The following ZCRB1 variants were observed in gnomAD, a reference collection of about 807,000 sequenced individuals.
ZCRB1 encodes the protein zinc finger CCHC-type and RNA binding motif containing 1.
A neutral mutation model predicts 29.9 loss-of-function variants in ZCRB1; 21 were observed. The observed-to-expected ratio is 0.70, with a 90% CI of 0.50 to 1.01. ZCRB1 has a LOEUF of 1.01. Ranked by LOEUF, ZCRB1 falls within the 50% of genes least tolerant of loss-of-function variation. ZCRB1 has a pLI of 0.00. For synonymous variants in ZCRB1, 77 were observed against 80.0 expected (o/e 0.96, Z 0.20); for missense variants, 204 against 253.3 (o/e 0.81, Z 1.32).
intron 2 of ZCRB1, among the ~76,000 whole-genome samples, chr12:42,323,143 T>C (rs911347302): frequency 1.3e-5 from 2 of 152,228 alleles, no homozygotes; most frequent in African/African-American, 2.4e-5. Context: ...TGTGTTAGTA[T>C]ATGCAACCAA....
chr12:42,323,315 T>C (rs1196116236), intron 2 of ZCRB1, among the ~76,000 whole-genome samples: 1 of 152,190 alleles, frequency 6.6e-6, no homozygotes, highest in African/African-American at 2.4e-5. Context: ...GCCAGAGTCC[T>C]TACCATGATG....
At chr12:42,319,084 T>C (rs2068608753) in intron 3 of ZCRB1, among the ~76,000 whole-genome samples, 1 of 152,180 alleles carries the variant, frequency 6.6e-6, no homozygotes, top group Admixed American at 6.5e-5. Context: ...TTGCTTTATG[T>C]TTTGGAATTT....
rs1256864081 is a variant in ZCRB1, at chr12:42,315,599, T to A, written c.334-1613A>T. On this transcript the variant is annotated intron_variant, in intron 5 of 7. Coordinates refer to ENST00000266529, the MANE Select transcript of ZCRB1 (RefSeq NM_033114.4). ...CAGGCTAGGTCAATATAAAAAAGTT[T>A]TTTTTGGAGGGAGGGAAATTAAATA... 2.0e-5 allele frequency among the ~76,000 whole-genome samples: 3 copies of A among 152,248 alleles called. No individual in the cohort carries two copies. The East Asian group carries it at 5.8e-4, about 29-fold the overall frequency.
intron 5 of ZCRB1, among the ~76,000 whole-genome samples, chr12:42,315,595 A>T (rs1019601574): frequency 6.6e-6 from 1 of 152,118 alleles, no homozygotes; most frequent in African/African-American, 2.4e-5. Flanking sequence ...AATATAAAAA[A>T]GTTTTTTTTG....
intron 3 of ZCRB1, among the ~76,000 whole-genome samples, chr12:42,320,766 C>T (rs1592103657): frequency 6.6e-6 from 1 of 152,148 alleles, no homozygotes; most frequent in Non-Finnish European, 1.5e-5. Context: ...GCTTTTGTTC[C>T]CCTCCAATCT....
chr12:42,319,433 C>A (rs1384272977), intron 3 of ZCRB1, among the ~76,000 whole-genome samples: 1 of 152,110 alleles, frequency 6.6e-6, no homozygotes, highest in Non-Finnish European at 1.5e-5. Context: ...ATTTGGCTCC[C>A]ATCTCCTTCA....
rs1403664668 is a variant in ZCRB1, at chr12:42,312,571, T to G, written c.*496A>C. 6.6e-6 allele frequency: 1 copy of G among 152,236 alleles called. No individual in the cohort carries two copies. Among genetic ancestry groups the G allele is most frequent in the African/African-American group, 2.4e-5 (1 of 41,466 alleles). 9.4% of individuals were successfully genotyped at this position (152,236 alleles called of 1,614,324 possible). ...CTTTATTTAGCTACATGTGTGCACA[T>G]GTAAGTAGTTTCTTCTAGGGAATGG... On this transcript the variant is annotated 3_prime_UTR_variant, in exon 8 of 8. Coordinates refer to ENST00000266529, the MANE Select transcript of ZCRB1 (RefSeq NM_033114.4).
chr12:42,325,990 C>A lies in ZCRB1; in HGVS notation c.-69G>T, dbSNP rs1250427050. The A allele has an allele frequency of 6.6e-6, 1 of 152,324 alleles. No homozygotes were observed. The highest frequency in any genetic ancestry group is 2.1e-4 in the South Asian group (1 of 4,834). The allele number at this position is 152,324 out of a possible 1,614,324, so 9.4% of individuals were successfully genotyped here. A position where few individuals can be genotyped will look rare whatever the true frequency, so the allele number is the denominator to read the frequency against. ...CCTCGGCTCAGCTGGGGCTCAACCC[C>A]GACTCTTCGTAGCCGCTCGCAGCGG... On this transcript the variant is annotated 5_prime_UTR_variant, in exon 1 of 8. Coordinates refer to ENST00000266529, the MANE Select transcript of ZCRB1 (RefSeq NM_033114.4).
rs757267560 is a variant in ZCRB1 at position 42,314,024 on chromosome 12, T to C, written c.334-38A>G. ...ATTAAAAAGGAAAGGAAAAATACCA[T>C]ATTTGATGTTATTTATAAAAACTTG... On this transcript the variant is annotated intron_variant, in intron 5 of 7. Transcript: ENST00000266529. 4.5e-6 allele frequency: 7 copies of C among 1,560,074 alleles called. No individual in the cohort carries two copies. In the South Asian group the frequency reaches 4.9e-5, roughly 11 times the overall value.
chr12:42,325,432 G>C (rs1280354197), intron 1 of ZCRB1: 2 of 152,104 alleles, frequency 1.3e-5, no homozygotes, highest in Non-Finnish European at 2.9e-5. Flanking sequence ...AATAGGCTTG[G>C]TGCCTCGAAG....
chr12:42,323,244 A>C (rs2068630300), intron 2 of ZCRB1, among the ~76,000 whole-genome samples: 1 of 152,230 alleles, frequency 6.6e-6, no homozygotes, highest in African/African-American at 2.4e-5. Flanking sequence ...TGGGTTCTGA[A>C]GGCCAGTACA....
chr12:42,316,670 T>C (rs2068596088), intron 5 of ZCRB1, among the ~76,000 whole-genome samples: 1 of 152,216 alleles, frequency 6.6e-6, no homozygotes, highest in Non-Finnish European at 1.5e-5. Context: ...TAAAGTCACA[T>C]GATAATGTTG....
chr12:42,314,298 G>T (rs892896149), intron 5 of ZCRB1, among the ~76,000 whole-genome samples: 1 of 145,900 alleles, frequency 6.9e-6, no homozygotes. Context: ...GGTGGCTCAC[G>T]CCTGTAATCC....
chr12:42,315,151 G>A (rs1425647885), intron 5 of ZCRB1, among the ~76,000 whole-genome samples: 1 of 152,140 alleles, frequency 6.6e-6, no homozygotes, highest in African/African-American at 2.4e-5. Flanking sequence ...TTGGATTTCT[G>A]AAGACTTAGT....
intron 5 of ZCRB1, among the ~76,000 whole-genome samples, chr12:42,314,591 A>AT (rs1171056214): frequency 6.8e-6 from 1 of 147,110 alleles, no homozygotes; most frequent in African/African-American, 2.5e-5. Context: ...TCAAAAAAAA[A>AT]AAATCAAAAT....
chr12:42,324,097 A>G lies in ZCRB1; in HGVS notation c.6T>C (p.Ser2=). The change falls in exon 2 of 8, where the codon AGT becomes AGC. Residue 2 remains serine, a synonymous_variant. Transcript: ENST00000266529. The stretch of plus-strand genomic sequence containing the variant: ...TGCTCTTACTTGGAGCCAATCCACC[A>G]CTCATTTCTAAAAGTGAAAACAAAC... M[S]GGLAPSKSTV... is the part of the protein sequence containing the mutation. The G allele has an allele frequency of 2.5e-6, 4 of 1,613,952 alleles. No individual in the cohort carries two copies. Among genetic ancestry groups the G allele is most frequent in the Non-Finnish European group, 3.4e-6 (4 of 1,179,946 alleles).
chr12:42,319,473 T>C (rs558090462), intron 3 of ZCRB1, among the ~76,000 whole-genome samples: 22 of 152,290 alleles, frequency 1.4e-4, no homozygotes, highest in Admixed American at 3.9e-4. Flanking sequence ...ACGCACACAC[T>C]ATGAAGTCTA....
In ZCRB1 at chr12:42,317,458, GA is replaced by G; in HGVS notation, c.226-12del. ...CACTCTACCAAATAACTAAACAAGAGAAAAATGTAAATGTAGAATGTATTTC... is the reference window on the plus strand; with the variant it reads ...CACTCTACCAAATAACTAAACAAGAGAAAATGTAAATGTAGAATGTATTTC... On this transcript the variant is annotated splice_polypyrimidine_tract_variant and intron_variant, in intron 4 of 7. Coordinates refer to ENST00000266529, the MANE Select transcript of ZCRB1 (RefSeq NM_033114.4). The G allele has an allele frequency of 6.4e-7, 1 of 1,565,742 alleles. No individual in the cohort carries two copies. The highest frequency in any genetic ancestry group is 8.7e-7 in the Non-Finnish European group (1 of 1,152,264).
chr12:42,317,868 C>T lies in ZCRB1; in HGVS notation c.144G>A (p.Arg48=), dbSNP rs763278060. ...AAATAAATGCAACCCCTTTACTCTT[C>T]CTGGTATCTTTATCTTTCATGATGG... The part of the protein sequence containing the change: ...KVTIMKDKDT[R]KSKGVAFILF... Residue 48 remains arginine, a synonymous_variant, in exon 4 of 8, where the codon AGG becomes AGA. Coordinates refer to ENST00000266529, the MANE Select transcript of ZCRB1 (RefSeq NM_033114.4). 2.5e-6 allele frequency: 4 copies of T among 1,613,610 alleles called. No homozygotes were observed. The highest frequency in any genetic ancestry group is 3.4e-6 in the Non-Finnish European group (4 of 1,179,828).
Sources: gnomAD v4.1 joint callset for allele counts (sites outside exome capture counted in the v4.1 genomes callset) on GRCh38, gnomAD v4.1.1 for gene constraint, MANE v1.5 for transcripts, NCBI Gene and HGNC (gene_info 2026-07-23, HGNC 2026-07-21) for gene names.